Variants in SLC35F1 observed in about 807,000 individuals in gnomAD.
SLC35F1 encodes solute carrier family 35 member F1.
SLC35F1 carries 14 observed loss-of-function variants against 48.7 expected under a neutral mutation model. That is an observed-to-expected ratio of 0.29 (90% CI 0.19 to 0.45). The LOEUF (loss-of-function observed/expected upper bound fraction) is 0.45, where lower values mean the gene tolerates loss of function less well. SLC35F1 is among the 20% of genes least tolerant of loss of function. SLC35F1 has a pLI of 1.00. For missense variants in SLC35F1, 404 were observed against 500.0 expected (o/e 0.81, Z 1.83); for synonymous variants, 190 against 202.2 (o/e 0.94, Z 0.51).
chr6:118,087,386 A>G (rs1459497231), intron 1 of SLC35F1, among the ~76,000 whole-genome samples: 1 of 152,138 alleles, frequency 6.6e-6, no homozygotes, highest in East Asian at 1.9e-4. Context: ...GGGGGCTAGG[A>G]CTTCAACATA....
chr6:118,253,599 T>C (rs1032173405), intron 3 of SLC35F1, among the ~76,000 whole-genome samples: 2 of 151,896 alleles, frequency 1.3e-5, no homozygotes, highest in African/African-American at 4.8e-5. Flanking sequence ...AACACCAACG[T>C]TGAGAGGGAC....
intron 1 of SLC35F1, among the ~76,000 whole-genome samples, chr6:118,001,136 C>T (rs943754311): frequency 1.3e-4 from 20 of 152,094 alleles, no homozygotes; most frequent in Admixed American, 9.8e-4. Context: ...GAGCCTGCAT[C>T]GCCAAGTCAA....
chr6:118,204,752 G>A (rs1053519929), intron 2 of SLC35F1, among the ~76,000 whole-genome samples: 1 of 152,104 alleles, frequency 6.6e-6, no homozygotes, highest in Non-Finnish European at 1.5e-5. Context: ...TCCAAATCAA[G>A]AAACAGTATT....
chr6:117,979,785 A>G (rs1776752230), intron 1 of SLC35F1, among the ~76,000 whole-genome samples: 1 of 152,220 alleles, frequency 6.6e-6, no homozygotes, highest in African/African-American at 2.4e-5. Context: ...CTGCGCGATC[A>G]TCAATGTCAT....
At chr6:118,234,840 G>A (rs1403637121) in intron 2 of SLC35F1, among the ~76,000 whole-genome samples, 1 of 151,788 alleles carries the variant, frequency 6.6e-6, no homozygotes, top group Admixed American at 6.6e-5. Context: ...GTAAAAATAA[G>A]AATGAAGAAC....
chr6:118,113,923 C>A (rs117105580), intron 1 of SLC35F1, among the ~76,000 whole-genome samples: 3,441 of 152,264 alleles, frequency 0.023, 58 homozygotes, highest in Non-Finnish European at 0.036. Context: ...GTGCCAGTGT[C>A]ATCTGTTAAA....
intron 3 of SLC35F1, among the ~76,000 whole-genome samples, chr6:118,248,485 A>G (rs1775534684): frequency 6.6e-6 from 1 of 152,194 alleles, no homozygotes; most frequent in Non-Finnish European, 1.5e-5. Flanking sequence ...CAGGAGTCAG[A>G]GTAGAGGGAG....
chr6:117,955,398 AT>A (rs1294805297), intron 1 of SLC35F1, among the ~76,000 whole-genome samples: 1 of 152,222 alleles, frequency 6.6e-6, no homozygotes, highest in Non-Finnish European at 1.5e-5. Flanking sequence ...TGAGAAATGG[AT>A]TCCTGTTTGG....
At chr6:118,279,680 T>C (rs1349805475) in intron 6 of SLC35F1, among the ~76,000 whole-genome samples, 1 of 152,072 alleles carries the variant, frequency 6.6e-6, no homozygotes, top group East Asian at 1.9e-4. Context: ...GGCAGGGAGA[T>C]ATCAAGGGAA....
At chr6:117,920,129 C>T (rs1369595758) in intron 1 of SLC35F1, among the ~76,000 whole-genome samples, 1 of 152,226 alleles carries the variant, frequency 6.6e-6, no homozygotes, top group Non-Finnish European at 1.5e-5. Flanking sequence ...GATCCTGCTG[C>T]AGGCCGGGGA....
intron 3 of SLC35F1, among the ~76,000 whole-genome samples, chr6:118,247,797 G>A (rs933412503): frequency 6.7e-6 from 1 of 148,538 alleles, no homozygotes; most frequent in African/African-American, 2.6e-5. Context: ...ATTCTTCAAA[G>A]TGCTATCTTT....
chr6:118,268,262 C>T (rs1037478201), intron 4 of SLC35F1, among the ~76,000 whole-genome samples: 3 of 152,140 alleles, frequency 2.0e-5, no homozygotes, highest in Non-Finnish European at 2.9e-5. Flanking sequence ...CCAGGGCAGG[C>T]CTCTTTCTCT....
At chr6:117,947,491 T>C (rs1487708829) in intron 1 of SLC35F1, among the ~76,000 whole-genome samples, 1 of 152,166 alleles carries the variant, frequency 6.6e-6, no homozygotes, top group Non-Finnish European at 1.5e-5. Context: ...CTCTGGCTGC[T>C]GTAAAGAAGA....
intron 1 of SLC35F1, among the ~76,000 whole-genome samples, chr6:118,015,009 C>T (rs1777300734): frequency 6.6e-6 from 1 of 152,112 alleles, no homozygotes; most frequent in Non-Finnish European, 1.5e-5. Context: ...GGGGCAGTTC[C>T]CCCATACTGT....
At chr6:118,190,616 T>C (rs1396900206) in intron 2 of SLC35F1, among the ~76,000 whole-genome samples, 1 of 152,126 alleles carries the variant, frequency 6.6e-6, no homozygotes, top group Non-Finnish European at 1.5e-5. Context: ...GTCATTCCAC[T>C]TGAAGAGAGA....
In SLC35F1 at chr6:118,155,521, C is replaced by T. The variant is rs535267695; in HGVS notation, c.349+901C>T. 8.5e-5 allele frequency among the ~76,000 whole-genome samples: 13 copies of T among 152,244 alleles called. No individual in the cohort carries two copies. In the South Asian group the frequency reaches 1.5e-3, roughly 17 times the overall value. ...GTGCCTGTCTGCCATGTGAGGATGCCGCGAAAAGGCCCTCACCAGATGTGA... is the reference window on the plus strand; with the variant it reads ...GTGCCTGTCTGCCATGTGAGGATGCTGCGAAAAGGCCCTCACCAGATGTGA... On this transcript the variant is annotated intron_variant, in intron 2 of 7. Transcript: ENST00000360388.
At chr6:118,095,879 T>A (rs571471625) in intron 1 of SLC35F1, among the ~76,000 whole-genome samples, 1 of 152,318 alleles carries the variant, frequency 6.6e-6, no homozygotes, top group South Asian at 2.1e-4. Flanking sequence ...ACTGGATGAA[T>A]GTCACACACA....
At chr6:117,984,821 TAGAA>T (rs1776828746) in intron 1 of SLC35F1, among the ~76,000 whole-genome samples, 1 of 152,226 alleles carries the variant, frequency 6.6e-6, no homozygotes, top group Admixed American at 6.5e-5. Flanking sequence ...AACTGAGGCT[TAGAA>T]AGGATATGAA....
intron 3 of SLC35F1, among the ~76,000 whole-genome samples, chr6:118,247,473 GGCTAA>G (rs1399527416): frequency 1.3e-5 from 2 of 152,020 alleles, no homozygotes; most frequent in Admixed American, 6.6e-5. Flanking sequence ...CAGTACCAGG[GGCTAA>G]GCTTTGTCTG....
Sources: gnomAD v4.1 joint callset for allele counts (sites outside exome capture counted in the v4.1 genomes callset) on GRCh38, gnomAD v4.1.1 for gene constraint, MANE v1.5 for transcripts, NCBI Gene and HGNC (gene_info 2026-07-23, HGNC 2026-07-21) for gene names.